Variants in RAB15 observed in about 807,000 individuals in gnomAD.
RAB15 encodes the protein ras-related protein Rab-15.
A neutral mutation model predicts 31.8 loss-of-function variants in RAB15; 13 were observed. The observed-to-expected ratio is 0.41, with a 90% CI of 0.27 to 0.65. RAB15 has a LOEUF of 0.65. Ranked by LOEUF, RAB15 falls within the 30% of genes least tolerant of loss-of-function variation. The pLI is 0.32. For missense variants in RAB15, 220 were observed against 277.3 expected (o/e 0.79, Z 1.47); for synonymous variants, 100 against 105.6 (o/e 0.95, Z 0.33).
In RAB15 at chr14:64,952,500, C is replaced by T. The variant is rs770402259; in HGVS notation, c.185+11G>A. 1 of 1,608,132 alleles carries T rather than the reference C, an allele frequency of 6.2e-7. No individual in the cohort carries two copies. The highest frequency in any genetic ancestry group is 1.1e-5 in the South Asian group (1 of 90,866). ...TCTCCTACATCTGCCTCCTCCTCCT[C>T]CCCAGCTCACCAGATCTGTATCCGC... On this transcript the variant is annotated intron_variant, in intron 2 of 6. Coordinates refer to ENST00000533601, the MANE Select transcript of RAB15 (RefSeq NM_001308154.2). The surrounding 1 kb of genome is among the most constrained non-coding windows in gnomAD (Gnocchi z 4.2).
chr14:64,971,721 G>A lies in RAB15; in HGVS notation c.124+232C>T, dbSNP rs1056049579. Reference sequence around the variant, plus strand: ...GGTTTCTCGGTTTGATGGGACGGAAGGCTTCCCGGCAAGAGGCGGGAGACC... The same window carrying A: ...GGTTTCTCGGTTTGATGGGACGGAAAGCTTCCCGGCAAGAGGCGGGAGACC... On this transcript the variant is annotated intron_variant, in intron 1 of 6. Transcript: ENST00000533601. This position sits in a 1 kb window ranked among gnomAD's most constrained non-coding sequence, Gnocchi z 4.1. 3 of 556,326 alleles carry A rather than the reference G, an allele frequency of 5.4e-6. No individual in the cohort carries two copies. The highest frequency in any genetic ancestry group is 3.9e-5 in the African/African-American group (2 of 51,324). 34.5% of individuals were successfully genotyped at this position (556,326 alleles called of 1,614,324 possible). A position where few individuals can be genotyped will look rare whatever the true frequency, so the allele number is the denominator to read the frequency against.
intron 1 of RAB15, among the ~76,000 whole-genome samples, chr14:64,964,672 T>A (rs1251500433): frequency 1.4e-5 from 2 of 145,658 alleles, no homozygotes; most frequent in Non-Finnish European, 3.0e-5. Flanking sequence ...ACCTCCTGGG[T>A]TCAAGCAATT....
intron 1 of RAB15, among the ~76,000 whole-genome samples, chr14:64,956,305 G>T (rs1886561731): frequency 6.6e-6 from 1 of 151,856 alleles, no homozygotes; most frequent in Non-Finnish European, 1.5e-5. Context: ...TCAGGAGCGG[G>T]TCTGGGGTGT....
chr14:64,951,691 G>A lies in RAB15; in HGVS notation c.186-28C>T, dbSNP rs759523101. 6.3e-7 allele frequency: 1 copy of A among 1,596,702 alleles called. No homozygotes were observed. The highest frequency in any genetic ancestry group is 8.6e-7 in the Non-Finnish European group (1 of 1,164,092). On this transcript the variant is annotated intron_variant, in intron 2 of 6. Transcript: ENST00000533601. This position sits in a 1 kb window ranked among gnomAD's most constrained non-coding sequence, Gnocchi z 7.2. Reference sequence around the variant, plus strand: ...GCAGGAGAAAGCCAGTCCCTCAGAGGAGCAGGGACCATGGGAACAGACGGG... The same window carrying A: ...GCAGGAGAAAGCCAGTCCCTCAGAGAAGCAGGGACCATGGGAACAGACGGG...
chr14:64,948,797 G>C lies in RAB15; in HGVS notation c.415-64C>G, dbSNP rs1886068671. 1 of 1,439,786 alleles carries C rather than the reference G, an allele frequency of 6.9e-7. No individual in the cohort carries two copies. The highest frequency in any genetic ancestry group is 1.4e-5 in the African/African-American group (1 of 71,446). 89.2% of individuals were successfully genotyped at this position (1,439,786 alleles called of 1,614,324 possible). ...GCAGGGGAGGGGCCCATACAACCAG[G>C]CACAGGCTTCTGCCACTGCACTCAC... On this transcript the variant is annotated intron_variant, in intron 5 of 6. Coordinates refer to ENST00000533601, the MANE Select transcript of RAB15 (RefSeq NM_001308154.2). The surrounding 1 kb of genome is among the most constrained non-coding windows in gnomAD (Gnocchi z 7.0).
In RAB15 at chr14:64,948,803, G is replaced by A; in HGVS notation, c.415-70C>T. Reference sequence around the variant, plus strand: ...GAGGGGCCCATACAACCAGGCACAGGCTTCTGCCACTGCACTCACAACCAT... The same window carrying A: ...GAGGGGCCCATACAACCAGGCACAGACTTCTGCCACTGCACTCACAACCAT... On this transcript the variant is annotated intron_variant, in intron 5 of 6. Coordinates refer to ENST00000533601, the MANE Select transcript of RAB15 (RefSeq NM_001308154.2). The surrounding 1 kb of genome is among the most constrained non-coding windows in gnomAD (Gnocchi z 7.0). 1.5e-6 allele frequency: 2 copies of A among 1,365,976 alleles called. No individual in the cohort carries two copies. The highest frequency in any genetic ancestry group is 2.1e-6 in the Non-Finnish European group (2 of 962,468). 84.6% of individuals were successfully genotyped at this position (1,365,976 alleles called of 1,614,324 possible). A position where few individuals can be genotyped will look rare whatever the true frequency, so the allele number is the denominator to read the frequency against.
At chr14:64,956,430 AGAAAG>A (rs1274439102) in intron 1 of RAB15, among the ~76,000 whole-genome samples, 2 of 151,722 alleles carry the variant, frequency 1.3e-5, no homozygotes, top group African/African-American at 2.4e-5. Context: ...AAAAAAGAAA[AGAAAG>A]GAAAAGAAAA....
At position 64,948,109 on chromosome 14, in the gene RAB15, T is replaced by C. The variant is rs1886015171; in HGVS notation, c.*245A>G. ...TGCTTGCGGCACATCGTGGGGGTCG[T>C]AGCAGGCCTGTGGCTGGGGAAACAG... On this transcript the variant is annotated 3_prime_UTR_variant, in exon 7 of 7. Coordinates refer to ENST00000533601, the MANE Select transcript of RAB15 (RefSeq NM_001308154.2). The surrounding 1 kb of genome is among the most constrained non-coding windows in gnomAD (Gnocchi z 7.0). 2.2e-6 allele frequency: 1 copy of C among 449,086 alleles called. No individual in the cohort carries two copies. Among genetic ancestry groups the C allele is most frequent in the East Asian group, 3.5e-5 (1 of 28,352 alleles). 27.8% of individuals were successfully genotyped at this position (449,086 alleles called of 1,614,324 possible). A position where few individuals can be genotyped will look rare whatever the true frequency, so the allele number is the denominator to read the frequency against.
Position 64,972,052 on chromosome 14 carries a change from A to ACAG in RAB15, c.22_24dup (p.Leu8dup). The ACAG allele has an allele frequency of 1.2e-6, 2 of 1,610,742 alleles. No homozygotes were observed. Among genetic ancestry groups the ACAG allele is most frequent in the Non-Finnish European group, 1.7e-6 (2 of 1,178,832 alleles). On this transcript the variant is annotated inframe_insertion, in exon 1 of 7. Transcript: ENST00000533601. The surrounding 1 kb of genome is among the most constrained non-coding windows in gnomAD (Gnocchi z 6.3). ...GAGTCCCCGATCAGCAGCAGCCGGAACAGCACATCGTACTGCTTCGCCATG... is the reference window on the plus strand; with the variant it reads ...GAGTCCCCGATCAGCAGCAGCCGGAACAGCAGCACATCGTACTGCTTCGCCATG...
At chr14:64,959,694 T>G (rs1886749573) in intron 1 of RAB15, among the ~76,000 whole-genome samples, 1 of 151,106 alleles carries the variant, frequency 6.6e-6, no homozygotes, top group Non-Finnish European at 1.5e-5. Context: ...TGAGACCCCA[T>G]CTCTAGAAAA....
At position 64,971,721 on chromosome 14, in the gene RAB15, G is replaced by C; in HGVS notation, c.124+232C>G. On this transcript the variant is annotated intron_variant, in intron 1 of 6. Coordinates refer to ENST00000533601, the MANE Select transcript of RAB15 (RefSeq NM_001308154.2). The surrounding 1 kb of genome is among the most constrained non-coding windows in gnomAD (Gnocchi z 4.1). ...GGTTTCTCGGTTTGATGGGACGGAA[G>C]GCTTCCCGGCAAGAGGCGGGAGACC... 1.8e-6 allele frequency: 1 copy of C among 556,444 alleles called. No individual in the cohort carries two copies. Among genetic ancestry groups the C allele is most frequent in the Non-Finnish European group, 3.2e-6 (1 of 311,044 alleles). 34.5% of individuals were successfully genotyped at this position (556,444 alleles called of 1,614,324 possible).
rs1296743884 is a variant in RAB15, at chr14:64,953,063, G to T, written c.125-492C>A. ...TGCCAGACTGTGGAGAGAGAGGAGGGCTCTTCCAACCCATGATTGTACCTG... is the reference window on the plus strand; with the variant it reads ...TGCCAGACTGTGGAGAGAGAGGAGGTCTCTTCCAACCCATGATTGTACCTG... On this transcript the variant is annotated intron_variant, in intron 1 of 6. Transcript: ENST00000533601. This position sits in a 1 kb window ranked among gnomAD's most constrained non-coding sequence, Gnocchi z 4.6. Among the ~76,000 whole-genome samples, 1 of 152,132 alleles carries T rather than the reference G, an allele frequency of 6.6e-6. No individual in the cohort carries two copies. The highest frequency in any genetic ancestry group is 1.5e-5 in the Non-Finnish European group (1 of 68,030).
At chr14:64,963,193 A>G (rs553935995) in intron 1 of RAB15, among the ~76,000 whole-genome samples, 55 of 137,224 alleles carry the variant, frequency 4.0e-4, no homozygotes, top group Non-Finnish European at 7.5e-4. Context: ...ATCTCGGCTC[A>G]CTGCAACCTC....
In RAB15 at chr14:64,971,725, T is replaced by G. The variant is rs1394978602; in HGVS notation, c.124+228A>C. 1 of 555,776 alleles carries G rather than the reference T, an allele frequency of 1.8e-6. No individual in the cohort carries two copies. The highest frequency in any genetic ancestry group is 2.1e-5 in the South Asian group (1 of 47,832). 34.4% of individuals were successfully genotyped at this position (555,776 alleles called of 1,614,324 possible). On this transcript the variant is annotated intron_variant, in intron 1 of 6. Coordinates refer to ENST00000533601, the MANE Select transcript of RAB15 (RefSeq NM_001308154.2). This position sits in a 1 kb window ranked among gnomAD's most constrained non-coding sequence, Gnocchi z 4.1. Reference sequence around the variant, plus strand: ...TCTCGGTTTGATGGGACGGAAGGCTTCCCGGCAAGAGGCGGGAGACCCCAC... The same window carrying G: ...TCTCGGTTTGATGGGACGGAAGGCTGCCCGGCAAGAGGCGGGAGACCCCAC...
intron 5 of RAB15, among the ~76,000 whole-genome samples, chr14:64,949,887 G>T (rs1886151774): frequency 6.6e-6 from 1 of 151,998 alleles, no homozygotes; most frequent in Non-Finnish European, 1.5e-5. Flanking sequence ...CTCCTCATTT[G>T]CCTCCCTGGC....
In RAB15 at chr14:64,971,250, G is replaced by T. The variant is rs1887400446; in HGVS notation, c.124+703C>A. Among the ~76,000 whole-genome samples, 1 of 152,182 alleles carries T rather than the reference G, an allele frequency of 6.6e-6. No homozygotes were observed. On this transcript the variant is annotated intron_variant, in intron 1 of 6. Transcript: ENST00000533601. The surrounding 1 kb of genome is among the most constrained non-coding windows in gnomAD (Gnocchi z 4.1). ...CCCTCTAACCACAGGCTCCAGCACT[G>T]CCAGATGAGAGATGCCCTCAGGCGG...
rs117415951 is a variant in RAB15 at position 64,963,885 on chromosome 14, C to T, written c.124+8068G>A. ...AGTCTTCAAGACTCCACTCAAATGT[C>T]ACTTCCTCTTCAAAGCCTTCACCAG... is the stretch of plus-strand genomic sequence containing the variant. On this transcript the variant is annotated intron_variant, in intron 1 of 6. Transcript: ENST00000533601. Among the ~76,000 whole-genome samples the T allele has an allele frequency of 1.2e-3, 182 of 152,322 alleles. 2 individuals are homozygous for T. In the East Asian group the frequency reaches 0.028, roughly 23 times the overall value.
At position 64,946,830 on chromosome 14, in the gene RAB15, G is replaced by A. The variant is rs1330869095; in HGVS notation, c.*1524C>T. On this transcript the variant is annotated 3_prime_UTR_variant, in exon 7 of 7. Coordinates refer to ENST00000533601, the MANE Select transcript of RAB15 (RefSeq NM_001308154.2). ...AGGCCTCGCCCACCTTGGGACGGTG[G>A]GCAGGAACCCCAGTAGAACTGGTAA... 1 of 151,902 alleles carries A rather than the reference G, an allele frequency of 6.6e-6. No individual in the cohort carries two copies. The highest frequency in any genetic ancestry group is 1.5e-5 in the Non-Finnish European group (1 of 68,026). The allele number at this position is 151,902 out of a possible 1,614,324, so 9.4% of individuals were successfully genotyped here. A position where few individuals can be genotyped will look rare whatever the true frequency, so the allele number is the denominator to read the frequency against.
intron 1 of RAB15, among the ~76,000 whole-genome samples, chr14:64,956,614 G>C (rs1886584177): frequency 1.3e-5 from 2 of 152,174 alleles, no homozygotes; most frequent in African/African-American, 2.4e-5. Flanking sequence ...AGTGTCAAGA[G>C]AGCGAGAGCA....
Sources: allele counts gnomAD v4.1 joint callset (sites outside exome capture counted in the v4.1 genomes callset), GRCh38; gene constraint gnomAD v4.1.1; non-coding constraint Gnocchi (gnomAD v3.1); transcripts MANE v1.5; gene names NCBI Gene and HGNC (gene_info 2026-07-23, HGNC 2026-07-21).